NIBAN1: variants seen among roughly 807,000 people sequenced by gnomAD.
NIBAN1 encodes the protein niban apoptosis regulator 1, also known as protein Niban 1.
Under a neutral mutation model 75.1 loss-of-function variants are expected in NIBAN1, and 81 were observed. The observed-to-expected ratio is 1.08, with a 90% CI of 0.90 to 1.30. The LOEUF is 1.30. Among genes scored for constraint, NIBAN1 ranks in the 50% most tolerant of loss-of-function variants. NIBAN1 has a pLI of 0.00. For synonymous variants in NIBAN1, 436 were observed against 424.8 expected, an observed-to-expected ratio of 1.03 and a Z score of -0.32; for missense variants, 1,133 against 1,128.1, an observed-to-expected ratio of 1.00 and a Z score of -0.06.
At chr1:184,853,247 G>T (rs1655592021) in intron 5 of NIBAN1, among the ~76,000 whole-genome samples, 1 of 152,124 alleles carries the variant, frequency 6.6e-6, no homozygotes, top group Non-Finnish European at 1.5e-5. Flanking sequence ...GTGTTTATTT[G>T]AATATAAACT....
intron 9 of NIBAN1, among the ~76,000 whole-genome samples, chr1:184,815,137 T>G (rs1304454435): frequency 6.6e-6 from 1 of 152,212 alleles, no homozygotes; most frequent in East Asian, 1.9e-4. Flanking sequence ...GGGATTTCAT[T>G]CAATTGTCAT....
Position 184,804,540 on chromosome 1 carries a change from C to T in NIBAN1, c.1447-848G>A, listed in dbSNP as rs960966462. ...GAAAGTATCCTGCCAGTGCAGGTGT[C>T]GGAGCACTAGTGGGACCACCCCTTG... On this transcript the variant is annotated intron_variant, in intron 11 of 13. Transcript: ENST00000367511. 5.9e-5 allele frequency among the ~76,000 whole-genome samples: 9 copies of T among 152,102 alleles called. No individual in the cohort carries two copies. In the East Asian group the frequency reaches 9.7e-4, roughly 16 times the overall value.
At position 184,890,588 on chromosome 1, in the gene NIBAN1, C is replaced by T. The variant is rs548549136; in HGVS notation, c.319-366G>A. The stretch of plus-strand genomic sequence containing the variant: ...ATTCTGATAATAACCACAAAGGTGA[C>T]GATCACACAAATACTGCACAGAATG... On this transcript the variant is annotated intron_variant, in intron 3 of 13. Coordinates refer to ENST00000367511, the MANE Select transcript of NIBAN1 (RefSeq NM_052966.4). 1.1e-4 allele frequency among the ~76,000 whole-genome samples: 16 copies of T among 152,286 alleles called. No individual in the cohort carries two copies. The South Asian group carries it at 1.2e-3, about 12-fold the overall frequency.
intron 1 of NIBAN1, among the ~76,000 whole-genome samples, chr1:184,961,618 T>C (rs549093491): frequency 6.6e-6 from 1 of 152,364 alleles, no homozygotes; most frequent in African/African-American, 2.4e-5. Context: ...TGGGTATCCA[T>C]GACCCTCCCT....
chr1:184,839,332 G>GATCTCAAATTTGAGATT (rs1655219559), intron 5 of NIBAN1, among the ~76,000 whole-genome samples: 1 of 151,980 alleles, frequency 6.6e-6, no homozygotes, highest in Non-Finnish European at 1.5e-5. Flanking sequence ...TCTCAAATAA[G>GATCTCAAATTTGAGATT]ATCTCAAATT....
chr1:184,872,244 A>G (rs1056402020), intron 5 of NIBAN1, among the ~76,000 whole-genome samples: 1 of 152,138 alleles, frequency 6.6e-6, no homozygotes, highest in Non-Finnish European at 1.5e-5. Context: ...AAGAACGAAA[A>G]TAATTAATAG....
intron 5 of NIBAN1, among the ~76,000 whole-genome samples, chr1:184,857,427 C>T (rs1435149690): frequency 6.6e-6 from 1 of 152,018 alleles, no homozygotes; most frequent in African/African-American, 2.4e-5. Flanking sequence ...TGTTTTGGAT[C>T]CCCCATTGAA....
At chr1:184,949,521 A>G (rs1658308803) in intron 1 of NIBAN1, among the ~76,000 whole-genome samples, 1 of 152,250 alleles carries the variant, frequency 6.6e-6, no homozygotes, top group African/African-American at 2.4e-5. Context: ...CATTTCACAT[A>G]CAAAGGAACT....
intron 1 of NIBAN1, among the ~76,000 whole-genome samples, chr1:184,922,332 G>T (rs1356807344): frequency 6.6e-6 from 1 of 151,796 alleles, no homozygotes; most frequent in Non-Finnish European, 1.5e-5. Flanking sequence ...TCAAATACTA[G>T]ATCTTATTCA....
chr1:184,942,618 C>T (rs1462443942), intron 1 of NIBAN1, among the ~76,000 whole-genome samples: 2 of 148,164 alleles, frequency 1.3e-5, no homozygotes, highest in Non-Finnish European at 3.0e-5. Flanking sequence ...GGCGTGAACC[C>T]GGGAGGCGGA....
intron 1 of NIBAN1, among the ~76,000 whole-genome samples, chr1:184,912,398 T>A (rs1235569767): frequency 6.6e-6 from 1 of 152,118 alleles, no homozygotes; most frequent in African/African-American, 2.4e-5. Context: ...AGGGTGAGCA[T>A]CTTCACCTGC....
chr1:184,892,386 T>C (rs887908851), intron 3 of NIBAN1, among the ~76,000 whole-genome samples: 11 of 152,178 alleles, frequency 7.2e-5, no homozygotes, highest in African/African-American at 2.2e-4. Flanking sequence ...AAGCCCATAG[T>C]ATGAACCATA....
At chr1:184,968,317 A>C (rs1156748642) in intron 1 of NIBAN1, among the ~76,000 whole-genome samples, 1 of 152,212 alleles carries the variant, frequency 6.6e-6, no homozygotes, top group Non-Finnish European at 1.5e-5. Flanking sequence ...ATTGGTTTCA[A>C]TTCACAAAGA....
At position 184,877,739 on chromosome 1, in the gene NIBAN1, G is replaced by A. The variant is rs1341636957; in HGVS notation, c.601+6894C>T. Among the ~76,000 whole-genome samples the A allele has an allele frequency of 3.9e-5, 6 of 152,074 alleles. No homozygotes were observed. In the East Asian group the frequency reaches 9.6e-4, roughly 24 times the overall value. ...TTAAAACAGCCATTGCATTTACTAT[G>A]TCATTCTAATAAGTATGTTTCAATT... On this transcript the variant is annotated intron_variant, in intron 5 of 13. Coordinates refer to ENST00000367511, the MANE Select transcript of NIBAN1 (RefSeq NM_052966.4).
At chr1:184,871,346 T>C (rs1241952348) in intron 5 of NIBAN1, among the ~76,000 whole-genome samples, 22 of 11,404 alleles carry the variant, frequency 1.9e-3, no homozygotes, top group African/African-American at 8.6e-3. Flanking sequence ...AAACTCTATC[T>C]CAAAAAAAAA....
intron 5 of NIBAN1, among the ~76,000 whole-genome samples, chr1:184,844,420 T>C (rs1280525431): frequency 6.6e-6 from 1 of 152,200 alleles, no homozygotes; most frequent in Non-Finnish European, 1.5e-5. Context: ...TGATTAATAA[T>C]AGCATCTACC....
intron 4 of NIBAN1, among the ~76,000 whole-genome samples, chr1:184,886,278 G>A (rs965104010): frequency 6.6e-6 from 1 of 152,162 alleles, no homozygotes; most frequent in Non-Finnish European, 1.5e-5. Context: ...CACACTCAGG[G>A]TAGGGAGGCG....
chr1:184,948,599 A>G (rs1053203969), intron 1 of NIBAN1, among the ~76,000 whole-genome samples: 10 of 152,194 alleles, frequency 6.6e-5, no homozygotes, highest in African/African-American at 2.4e-4. Context: ...ATTTATAATA[A>G]TGAAAATTTT....
At chr1:184,874,858 C>T (rs912995332) in intron 5 of NIBAN1, among the ~76,000 whole-genome samples, 2 of 146,692 alleles carry the variant, frequency 1.4e-5, no homozygotes, top group African/African-American at 5.5e-5. Context: ...AGCTAATGGA[C>T]ATATAAGGCT....
Sources: allele counts gnomAD v4.1 joint callset (sites outside exome capture counted in the v4.1 genomes callset), GRCh38; gene constraint gnomAD v4.1.1; transcripts MANE v1.5; gene names NCBI Gene and HGNC (gene_info 2026-07-23, HGNC 2026-07-21).